Variants in WDR89 observed in about 807,000 individuals in gnomAD.
The protein encoded by WDR89 is WD repeat domain 89.
Under a neutral mutation model 29.1 loss-of-function variants are expected in WDR89, and 17 were observed. The ratio of observed to expected loss-of-function variants is 0.58; its 90% CI spans 0.40 to 0.88. The LOEUF (loss-of-function observed/expected upper bound fraction) is 0.88, where lower values mean the gene tolerates loss of function less well. Among genes scored for constraint, WDR89 ranks in the 40% least tolerant of loss-of-function variants. The pLI, the probability that WDR89 is intolerant of heterozygous loss-of-function variation, is 0.00. For synonymous variants in WDR89, 138 were observed against 157.8 expected (o/e 0.87, Z 0.94); for missense variants, 396 against 456.3 (o/e 0.87, Z 1.20).
At chr14:63,638,666 G>C (rs1303055288) in intron 1 of WDR89, among the ~76,000 whole-genome samples, 2 of 152,164 alleles carry the variant, frequency 1.3e-5, no homozygotes, top group African/African-American at 2.4e-5. Context: ...TGCTATTAAA[G>C]ATATTCCAGT....
chr14:63,631,498 T>G (rs896814661), intron 1 of WDR89, among the ~76,000 whole-genome samples: 4 of 151,856 alleles, frequency 2.6e-5, no homozygotes, highest in Middle Eastern at 6.8e-3. Flanking sequence ...TCCAAGTAGC[T>G]GAAAATACAG....
Position 63,599,919 on chromosome 14 carries a change from A to G in WDR89, c.24T>C (p.Phe8=). The change falls in exon 3 of 3, where the codon TTT becomes TTC. Residue 8 remains phenylalanine (F), a synonymous_variant. Coordinates refer to ENST00000620954, the MANE Select transcript of WDR89 (RefSeq NM_080666.4). ...AACATTTAACAATGTGCAGATTAGCAAATTGTTCCTCAATCTTTTCCATGT... is the reference window on the plus strand; with the variant it reads ...AACATTTAACAATGTGCAGATTAGCGAATTGTTCCTCAATCTTTTCCATGT... MEKIEEQ[F]ANLHIVKCSL... is the part of the protein sequence containing the mutation. 1 of 1,602,154 alleles carries G rather than the reference A, an allele frequency of 6.2e-7. No individual in the cohort carries two copies. Among genetic ancestry groups the G allele is most frequent in the Non-Finnish European group, 8.5e-7 (1 of 1,172,170 alleles).
chr14:63,632,740 C>T (rs10148637), intron 1 of WDR89, among the ~76,000 whole-genome samples: 11,693 of 151,880 alleles, frequency 0.077, 810 homozygotes, highest in African/African-American at 0.19. Context: ...AGGCCAAGCA[C>T]CCTATAATAG....
At chr14:63,635,632 A>G (rs1883684977) in intron 1 of WDR89, among the ~76,000 whole-genome samples, 1 of 152,234 alleles carries the variant, frequency 6.6e-6, no homozygotes, top group African/African-American at 2.4e-5. Flanking sequence ...AGCCAGAGGA[A>G]TTAGACAACA....
chr14:63,618,121 G>A (rs1882435891), intron 2 of WDR89: 2 of 152,146 alleles, frequency 1.3e-5, no homozygotes, highest in Non-Finnish European at 2.9e-5. Flanking sequence ...TGACATACCA[G>A]TTTGTGAAAC....
intron 2 of WDR89, among the ~76,000 whole-genome samples, chr14:63,600,441 T>C (rs1273842790): frequency 1.3e-5 from 2 of 151,946 alleles, no homozygotes; most frequent in Non-Finnish European, 2.9e-5. Context: ...ACTACAGTGA[T>C]CCATGATCAT....
intron 2 of WDR89, chr14:63,601,641 G>T: frequency 6.2e-7 from 1 of 1,613,432 alleles, no homozygotes; most frequent in South Asian, 1.1e-5. Context: ...GCAAGCAACA[G>T]TAGTCGCTGT....
At chr14:63,609,806 A>G (rs1881836573) in intron 2 of WDR89, among the ~76,000 whole-genome samples, 1 of 152,014 alleles carries the variant, frequency 6.6e-6, no homozygotes, top group African/African-American at 2.4e-5. Flanking sequence ...ATAAAATAAA[A>G]TAAAATAAAA....
At chr14:63,609,326 A>T (rs1881801758) in intron 2 of WDR89, among the ~76,000 whole-genome samples, 1 of 152,210 alleles carries the variant, frequency 6.6e-6, no homozygotes, top group African/African-American at 2.4e-5. Flanking sequence ...TCAGAAACTT[A>T]ACACAGTTTA....
chr14:63,619,686 G>A lies in WDR89; in HGVS notation c.-32+5242C>T, dbSNP rs559288118. Among the ~76,000 whole-genome samples the A allele has an allele frequency of 5.3e-5, 8 of 152,144 alleles. 1 individual carries two copies. The highest frequency in any genetic ancestry group is 1.9e-4 in the African/African-American group (8 of 41,542). The stretch of plus-strand genomic sequence containing the variant: ...AAGAAACTATAGTACAGCCAAAATG[G>A]AAACCAGTATGAAGGTTCCTAAAAA... On this transcript the variant is annotated intron_variant, in intron 2 of 2. Transcript: ENST00000620954.
At chr14:63,608,666 G>GCACACACACACACACACACACACA (rs57605983) in intron 2 of WDR89, among the ~76,000 whole-genome samples, 2 of 144,670 alleles carry the variant, frequency 1.4e-5, no homozygotes, top group African/African-American at 2.5e-5. Context: ...TGTGGTGCAT[G>GCACACACACACACACACACACACA]CACACACACA....
Position 63,599,079 on chromosome 14 carries a change from T to G in WDR89, c.864A>C (p.Thr288=). 2.5e-6 allele frequency: 4 copies of G among 1,614,136 alleles called. No homozygotes were observed. Among genetic ancestry groups the G allele is most frequent in the Non-Finnish European group, 3.4e-6 (4 of 1,180,020 alleles). ...IGGLYHEKTD[T]LHVIGGTNKG... Reference sequence around the variant, plus strand: ...TGTTTGTTCCTCCAATAACATGCAATGTGTCTGTCTTTTCATGATATAGGC... The same window carrying G: ...TGTTTGTTCCTCCAATAACATGCAAGGTGTCTGTCTTTTCATGATATAGGC... The change falls in exon 3 of 3, where the codon ACA becomes ACC. Residue 288 remains threonine (T), a synonymous_variant. Coordinates refer to ENST00000620954, the MANE Select transcript of WDR89 (RefSeq NM_080666.4).
chr14:63,624,392 G>A (rs991374757), intron 2 of WDR89, among the ~76,000 whole-genome samples: 3 of 151,492 alleles, frequency 2.0e-5, no homozygotes, highest in Admixed American at 1.3e-4. Flanking sequence ...ACTTTAGCCC[G>A]GGAGGTGGAG....
chr14:63,616,940 T>C (rs1882347005), intron 2 of WDR89, among the ~76,000 whole-genome samples: 2 of 151,944 alleles, frequency 1.3e-5, no homozygotes, highest in African/African-American at 4.8e-5. Context: ...AAGAATTTTC[T>C]GGTAAAACTG....
rs138166073 is a variant in WDR89 at position 63,598,838 on chromosome 14, C to T, written c.1105G>A (p.Val369Met). The change falls in exon 3 of 3, where the codon GTG becomes ATG. Residue 369 changes from valine to methionine, a missense_variant. Physicochemically the swap from Val to Met is conservative, Grantham distance 21 (BLOSUM62 1). Coordinates refer to ENST00000620954, the MANE Select transcript of WDR89 (RefSeq NM_080666.4). ...CTATGAACTCGTACTCGTTGGTGCA[C>T]AGAGGATGCTATTTTCATACTCTCT... ...KKESMKIASS[V>M]HQRVRVHSND... 6.2e-4 allele frequency: 1,005 copies of T among 1,613,612 alleles called. No homozygotes were observed. The highest frequency in any genetic ancestry group is 7.9e-4 in the Non-Finnish European group (933 of 1,179,856).
intron 2 of WDR89, among the ~76,000 whole-genome samples, chr14:63,619,600 T>C (rs554112297): frequency 1.3e-5 from 2 of 152,174 alleles, no homozygotes; most frequent in South Asian, 4.1e-4. Flanking sequence ...AAAATAATTA[T>C]GAATTGGTTA....
chr14:63,617,223 C>T (rs889678598), intron 2 of WDR89, among the ~76,000 whole-genome samples: 3 of 151,760 alleles, frequency 2.0e-5, no homozygotes, highest in Non-Finnish European at 4.4e-5. Flanking sequence ...GGATTACAGG[C>T]ATGCACCACC....
intron 1 of WDR89, among the ~76,000 whole-genome samples, chr14:63,633,090 G>C (rs2139571922): frequency 1.3e-5 from 2 of 152,140 alleles, no homozygotes; most frequent in Admixed American, 1.3e-4. Context: ...ATGTTAAATG[G>C]TGCCTGGCAC....
chr14:63,606,818 A>G (rs750886875), intron 2 of WDR89, among the ~76,000 whole-genome samples: 6 of 152,224 alleles, frequency 3.9e-5, no homozygotes, highest in Non-Finnish European at 5.9e-5. Flanking sequence ...CTATTTTACA[A>G]AGGAAATTGA....
Sources: gnomAD v4.1 joint callset for allele counts (sites outside exome capture counted in the v4.1 genomes callset) on GRCh38, gnomAD v4.1.1 for gene constraint, MANE v1.5 for transcripts, NCBI Gene and HGNC (gene_info 2026-07-23, HGNC 2026-07-21) for gene names.